Variants in DCLK1 observed in about 807,000 individuals in gnomAD.
The protein encoded by DCLK1 is doublecortin like kinase 1, also known as serine/threonine-protein kinase DCLK1.
A neutral mutation model predicts 86.2 loss-of-function variants in DCLK1; 16 were observed. The observed-to-expected ratio is 0.19, with a 90% confidence interval of 0.13 to 0.28. DCLK1 has a LOEUF of 0.28. DCLK1 is among the 10% of genes least tolerant of loss of function. DCLK1 has a pLI of 1.00. For missense variants in DCLK1, 590 were observed against 940.2 expected, an observed-to-expected ratio of 0.63 and a Z score of 4.87; for synonymous variants, 369 against 370.5, an observed-to-expected ratio of 1.00 and a Z score of 0.05.
intron 4 of DCLK1, among the ~76,000 whole-genome samples, chr13:35,885,254 T>C (rs1192182371): frequency 6.6e-6 from 1 of 152,112 alleles, no homozygotes; most frequent in Non-Finnish European, 1.5e-5. Flanking sequence ...CTTGGGAAGA[T>C]TATTTCTCCA....
chr13:35,950,170 C>T (rs908794933), intron 3 of DCLK1, among the ~76,000 whole-genome samples: 6 of 152,274 alleles, frequency 3.9e-5, no homozygotes, highest in Non-Finnish European at 7.4e-5. Flanking sequence ...TTTATAAAAC[C>T]GCTCCTTGCT....
At chr13:35,811,035 T>C in intron 11 of DCLK1, 67 bp from the exon 12 acceptor site, 1 of 1,592,624 alleles carries the variant, frequency 6.3e-7, no homozygotes, top group South Asian at 1.1e-5. Context: ...CTTGAAGAAA[T>C]GAGGAACACT....
intron 3 of DCLK1, among the ~76,000 whole-genome samples, chr13:35,956,805 A>G (rs887643177): frequency 1.3e-5 from 2 of 152,158 alleles, no homozygotes; most frequent in African/African-American, 4.8e-5. Context: ...CTGCTCCCAC[A>G]TTACTTTCTC....
rs146989774 is a variant in DCLK1, at chr13:35,941,590, C to T, written c.823+5768G>A. Among the ~76,000 whole-genome samples the T allele has an allele frequency of 1.6e-4, 25 of 152,162 alleles. No individual in the cohort carries two copies. In the East Asian group the frequency reaches 2.7e-3, roughly 17 times the overall value. ...GTGCACAGGCACACATACACGTGCA[C>T]GGGCATACACACACGCACACACACA... On this transcript the variant is annotated intron_variant, in intron 4 of 16. Transcript: ENST00000360631.
At position 35,809,021 on chromosome 13, in the gene DCLK1, C is replaced by T; in HGVS notation, c.1763G>A (p.Arg588His). ...YILLCGFPPF[R>H]GSGDDQEVLF... ...AATAAAAGATTGTTGCCCATACCCA[C>T]GGAATGGAGGGAAACCACACAGCAG... is the stretch of plus-strand genomic sequence containing the variant. Residue 588 changes from arginine to histidine, a missense_variant, in exon 13 of 17, where the codon CGT becomes CAT. This residue lies in a region of DCLK1 where 28 missense variants were observed against 77.1 expected (regional missense o/e 0.36). Transcript: ENST00000360631. 1 of 1,610,252 alleles carries T rather than the reference C, an allele frequency of 6.2e-7. No homozygotes were observed. The highest frequency in any genetic ancestry group is 8.5e-7 in the Non-Finnish European group (1 of 1,177,462).
intron 8 of DCLK1, among the ~76,000 whole-genome samples, chr13:35,833,801 T>C (rs1328586936): frequency 6.6e-6 from 1 of 152,224 alleles, no homozygotes; most frequent in African/African-American, 2.4e-5. Flanking sequence ...AAGAATGTTT[T>C]CTGATACCTC....
intron 3 of DCLK1, among the ~76,000 whole-genome samples, chr13:36,071,191 A>G (rs1034269791): frequency 1.3e-5 from 2 of 152,196 alleles, no homozygotes; most frequent in South Asian, 4.2e-4. Context: ...GCTTCATTCT[A>G]TTTGGAGCCC....
intron 3 of DCLK1, among the ~76,000 whole-genome samples, chr13:36,020,256 G>T (rs1414060228): frequency 6.6e-6 from 1 of 152,122 alleles, no homozygotes; most frequent in African/African-American, 2.4e-5. Flanking sequence ...AATACAAATG[G>T]ATTAAGATGA....
intron 4 of DCLK1, among the ~76,000 whole-genome samples, chr13:35,885,422 C>T (rs750863522): frequency 6.6e-6 from 1 of 152,102 alleles, no homozygotes; most frequent in African/African-American, 2.4e-5. Flanking sequence ...GGGAACAAAA[C>T]ATTCAGATTG....
intron 3 of DCLK1, among the ~76,000 whole-genome samples, chr13:35,949,572 A>C (rs928238519): frequency 2.0e-5 from 3 of 152,228 alleles, no homozygotes; most frequent in Non-Finnish European, 4.4e-5. Flanking sequence ...CCGATAGATG[A>C]AAAATATTGA....
chr13:35,919,735 AG>A (rs1433242661), intron 4 of DCLK1, among the ~76,000 whole-genome samples: 3 of 152,028 alleles, frequency 2.0e-5, no homozygotes, highest in Non-Finnish European at 4.4e-5. Context: ...CTGAGGCAGG[AG>A]GATTGCTTGA....
At chr13:36,099,068 A>G (rs1885109888) in intron 3 of DCLK1, among the ~76,000 whole-genome samples, 1 of 151,848 alleles carries the variant, frequency 6.6e-6, no homozygotes, top group Non-Finnish European at 1.5e-5. Context: ...CCTGGGTTCA[A>G]GCGATTCTCC....
chr13:36,122,698 C>A (rs572917571), intron 2 of DCLK1, among the ~76,000 whole-genome samples: 1 of 152,198 alleles, frequency 6.6e-6, no homozygotes, highest in East Asian at 1.9e-4. Context: ...CCTTATTAAG[C>A]ATCATGATTT....
intron 1 of DCLK1, among the ~76,000 whole-genome samples, chr13:36,127,474 T>G (rs1886227194): frequency 6.6e-6 from 1 of 152,234 alleles, no homozygotes; most frequent in African/African-American, 2.4e-5. Flanking sequence ...TTGAAAAATC[T>G]ACTTGCTCAG....
intron 3 of DCLK1, among the ~76,000 whole-genome samples, chr13:36,027,536 C>T (rs1028919711): frequency 2.0e-5 from 3 of 152,120 alleles, no homozygotes; most frequent in Admixed American, 6.5e-5. Context: ...GTGAATAAAT[C>T]GAATAGCTTC....
At chr13:35,889,206 T>C (rs997455025) in intron 4 of DCLK1, among the ~76,000 whole-genome samples, 3 of 152,232 alleles carry the variant, frequency 2.0e-5, no homozygotes, top group African/African-American at 7.2e-5. Flanking sequence ...TGAGGTCTGC[T>C]GGGCCTCACT....
chr13:36,064,448 C>T (rs1883673220), intron 3 of DCLK1, among the ~76,000 whole-genome samples: 1 of 152,122 alleles, frequency 6.6e-6, no homozygotes, highest in Admixed American at 6.5e-5. Flanking sequence ...ATCACGAGGT[C>T]AGGAGATCGA....
At chr13:35,936,604 T>G (rs1026644737) in intron 4 of DCLK1, among the ~76,000 whole-genome samples, 9 of 152,184 alleles carry the variant, frequency 5.9e-5, no homozygotes, top group African/African-American at 1.9e-4. Context: ...AAGTGCTTGA[T>G]CAGTGTCCTC....
At chr13:35,806,911 C>T (rs2087038940) in intron 14 of DCLK1, among the ~76,000 whole-genome samples, 1 of 152,162 alleles carries the variant, frequency 6.6e-6, no homozygotes. Context: ...AAATGAGAGA[C>T]TTGCACTCAA....
Sources: allele counts gnomAD v4.1 joint callset (sites outside exome capture counted in the v4.1 genomes callset), GRCh38; gene constraint gnomAD v4.1.1; regional missense constraint gnomAD v4.1.1; transcripts MANE v1.5; gene names NCBI Gene and HGNC (gene_info 2026-07-23, HGNC 2026-07-21).